DIAPH2: variants seen among roughly 807,000 people sequenced by gnomAD.
The protein encoded by DIAPH2 is diaphanous related formin 2.
In DIAPH2, 35 loss-of-function variants were observed where a neutral mutation model predicts 92.7. That is an observed-to-expected ratio of 0.38 (90% CI 0.29 to 0.50). The LOEUF (loss-of-function observed/expected upper bound fraction) is 0.50. DIAPH2 is among the 20% of genes least tolerant of loss of function. The pLI, the probability that DIAPH2 is intolerant of heterozygous loss-of-function variation, is 0.94. For missense variants in DIAPH2, 701 were observed against 819.5 expected (o/e 0.86, Z 1.77); for synonymous variants, 301 against 280.4 (o/e 1.07, Z -0.73).
chrX:96,978,744 G>C (rs1441239901), intron 17 of DIAPH2, among the ~76,000 whole-genome samples: 1 of 110,919 alleles, frequency 9.0e-6, no homozygotes, highest in African/African-American at 3.3e-5. Flanking sequence ...TTTTCTCACA[G>C]ATTCAGGAAT....
intron 17 of DIAPH2, among the ~76,000 whole-genome samples, chrX:96,988,507 T>G (rs899943832): frequency 9.1e-6 from 1 of 110,464 alleles, no homozygotes; most frequent in Non-Finnish European, 1.9e-5. Context: ...AATAAGTATC[T>G]TATTGTAGCC....
At chrX:97,594,147 G>A (rs1195140213) in intron 26 of DIAPH2, among the ~76,000 whole-genome samples, 1 of 107,409 alleles carries the variant, frequency 9.3e-6, no homozygotes, top group Non-Finnish European at 1.9e-5. Context: ...TAAATGAAAA[G>A]GTAGAACACC....
At chrX:97,231,849 G>A (rs932336287) in intron 22 of DIAPH2, among the ~76,000 whole-genome samples, 2 of 108,637 alleles carry the variant, frequency 1.8e-5, no homozygotes, top group Non-Finnish European at 3.8e-5. Flanking sequence ...ATCAAAACAA[G>A]AAACAACACA....
chrX:97,126,355 G>A (rs1281567129), intron 21 of DIAPH2, among the ~76,000 whole-genome samples: 6 of 111,729 alleles, frequency 5.4e-5, no homozygotes, highest in African/African-American at 1.6e-4. Flanking sequence ...GTCCATGGAA[G>A]GAAGTTTATA....
chrX:97,244,717 C>G (rs1007753257), intron 22 of DIAPH2, among the ~76,000 whole-genome samples: 2 of 111,771 alleles, frequency 1.8e-5, no homozygotes, highest in African/African-American at 6.5e-5. Flanking sequence ...AGAAATTTAA[C>G]AAGACCTATT....
At chrX:97,492,676 G>C (rs1293373439) in intron 26 of DIAPH2, among the ~76,000 whole-genome samples, 1 of 111,292 alleles carries the variant, frequency 9.0e-6, no homozygotes, top group African/African-American at 3.3e-5. Context: ...TAGTATTCTT[G>C]ATTGGCATTT....
chrX:97,310,648 T>C (rs2068785557), intron 23 of DIAPH2, among the ~76,000 whole-genome samples: 1 of 111,142 alleles, frequency 9.0e-6, no homozygotes, highest in African/African-American at 3.3e-5. Flanking sequence ...GGGAGAGTCG[T>C]AGAAGATAAG....
At chrX:97,516,060 T>A (rs111742841) in intron 26 of DIAPH2, among the ~76,000 whole-genome samples, 241 of 110,601 alleles carry the variant, frequency 2.2e-3, no homozygotes, top group African/African-American at 7.6e-3. Context: ...GAGATCAGCC[T>A]GGCCAGTATG....
At chrX:97,485,888 GAGC>G in intron 26 of DIAPH2, among the ~76,000 whole-genome samples, 1 of 110,575 alleles carries the variant, frequency 9.0e-6, no homozygotes, top group South Asian at 3.9e-4. Flanking sequence ...GTCCTCAAGA[GAGC>G]ACAAAGTGGT....
chrX:97,426,028 C>T (rs1461619840), intron 25 of DIAPH2, among the ~76,000 whole-genome samples: 2 of 109,808 alleles, frequency 1.8e-5, no homozygotes, highest in Non-Finnish European at 3.8e-5. Context: ...CATTTCGGAC[C>T]CACATTTCCA....
intron 17 of DIAPH2, among the ~76,000 whole-genome samples, chrX:96,980,998 C>CAAAAAAAAAA (rs1204120424): frequency 2.2e-5 from 1 of 45,530 alleles, no homozygotes; most frequent in African/African-American, 9.3e-5. Flanking sequence ...CCATCTCTAC[C>CAAAAAAAAAA]AAAAAAAAAA....
chrX:97,307,177 C>T (rs888009459), intron 23 of DIAPH2, among the ~76,000 whole-genome samples: 13 of 112,006 alleles, frequency 1.2e-4, no homozygotes, highest in African/African-American at 4.2e-4. Flanking sequence ...ATGATCTTGC[C>T]AGTTACAAAA....
intron 5 of DIAPH2, among the ~76,000 whole-genome samples, chrX:96,905,881 G>A (rs1031690867): frequency 8.9e-6 from 1 of 112,331 alleles, no homozygotes; most frequent in Non-Finnish European, 1.9e-5. Context: ...TGTAATCCCA[G>A]CGCTTTGGGA....
chrX:97,300,930 T>TCAA (rs2068693109), intron 23 of DIAPH2, among the ~76,000 whole-genome samples: 2 of 8,586 alleles, frequency 2.3e-4, no homozygotes, highest in Non-Finnish European at 4.1e-4. Flanking sequence ...AGACTCCGTC[T>TCAA]TAAAAAAAAA....
intron 17 of DIAPH2, among the ~76,000 whole-genome samples, chrX:97,001,727 A>C (rs1252728080): frequency 8.9e-6 from 1 of 111,815 alleles, no homozygotes; most frequent in East Asian, 2.8e-4. Flanking sequence ...TCAGTGTTGA[A>C]TTCTCTCTGT....
At chrX:97,094,815 C>T (rs772011465) in intron 19 of DIAPH2, among the ~76,000 whole-genome samples, 2 of 111,470 alleles carry the variant, frequency 1.8e-5, no homozygotes, top group South Asian at 3.8e-4. Context: ...GTGGTAGTCA[C>T]GTGGTAGACA....
chrX:97,307,908 CAAAAAA>C (rs34217377), intron 23 of DIAPH2, among the ~76,000 whole-genome samples: 1 of 64,850 alleles, frequency 1.5e-5, no homozygotes, highest in Non-Finnish European at 2.9e-5. Flanking sequence ...GACTCTGTCT[CAAAAAA>C]AAAAAAAAAA....
chrX:97,579,355 G>A (rs1207746325), intron 26 of DIAPH2, among the ~76,000 whole-genome samples: 2 of 110,140 alleles, frequency 1.8e-5, no homozygotes, highest in Non-Finnish European at 3.8e-5. Flanking sequence ...TGTATAAGGT[G>A]TAAGGAAGGG....
intron 3 of DIAPH2, among the ~76,000 whole-genome samples, chrX:96,746,842 T>C (rs1436216990): frequency 9.0e-6 from 1 of 111,596 alleles, no homozygotes; most frequent in East Asian, 2.8e-4. Context: ...CAGCCTATAT[T>C]TAGTGACTTT....
Sources: allele counts gnomAD v4.1 joint callset (sites outside exome capture counted in the v4.1 genomes callset), GRCh38; gene constraint gnomAD v4.1.1; transcripts MANE v1.5; gene names NCBI Gene and HGNC (gene_info 2026-07-23, HGNC 2026-07-21).